SH3PXD2B: variants seen among roughly 807,000 people sequenced by gnomAD.
SH3PXD2B encodes SH3 and PX domain-containing protein 2B.
SH3PXD2B carries 37 observed loss-of-function variants against 73.1 expected under a neutral mutation model. That is an observed-to-expected ratio of 0.51 (90% CI 0.39 to 0.67). The LOEUF is 0.67. Ranked by LOEUF, SH3PXD2B falls within the 30% of genes least tolerant of loss-of-function variation. The probability of loss-of-function intolerance (pLI) is 0.00; values close to 1 mark genes in which losing one functional copy is unlikely to be tolerated. For missense variants in SH3PXD2B, 1,053 were observed against 1,197.8 expected (o/e 0.88, Z 1.78); for synonymous variants, 457 against 480.5 (o/e 0.95, Z 0.64).
intron 3 of SH3PXD2B, among the ~76,000 whole-genome samples, chr5:172,397,532 G>A (rs1049871771): frequency 1.3e-5 from 2 of 152,138 alleles, no homozygotes; most frequent in East Asian, 1.9e-4. Context: ...AGAACCTGCC[G>A]ACATGTGATG....
intron 3 of SH3PXD2B, among the ~76,000 whole-genome samples, chr5:172,395,321 T>C (rs1758269607): frequency 6.6e-6 from 1 of 152,264 alleles, no homozygotes; most frequent in Admixed American, 6.5e-5. Context: ...AATGTATGAA[T>C]GTGGCTTCCA....
In SH3PXD2B at chr5:172,347,148, GCC is replaced by G; in HGVS notation, c.1062+133_1062+134del. On this transcript the variant is annotated intron_variant, in intron 11 of 12. Coordinates refer to ENST00000311601, the MANE Select transcript of SH3PXD2B (RefSeq NM_001017995.3). The stretch of plus-strand genomic sequence containing the variant: ...TGCGAGTGGGACTAGCATTTCTACA[GCC>G]TGCTTCACAAGGCTGTTGTGTGGAC... 7.9e-6 allele frequency: 7 copies of G among 887,404 alleles called. No individual in the cohort carries two copies. In the South Asian group the frequency reaches 1.1e-4, roughly 13 times the overall value. 55.0% of individuals were successfully genotyped at this position (887,404 alleles called of 1,614,324 possible).
chr5:172,347,199 G>A, intron 11 of SH3PXD2B, 84 bp downstream of exon 11: 1 of 1,350,974 alleles, frequency 7.4e-7, no homozygotes, highest in South Asian at 1.2e-5. Context: ...TTTCTGGAAG[G>A]GCGAGGGGTG....
At chr5:172,404,395 C>T (rs4075865) in intron 3 of SH3PXD2B, among the ~76,000 whole-genome samples, 55,269 of 151,898 alleles carry the variant, frequency 0.36, 10,789 homozygotes, top group East Asian at 0.66. Flanking sequence ...CTCCACTGCC[C>T]GGGTTCAAGC....
At chr5:172,437,800 C>T (rs1026072359) in intron 1 of SH3PXD2B, among the ~76,000 whole-genome samples, 1 of 152,196 alleles carries the variant, frequency 6.6e-6, no homozygotes, top group Non-Finnish European at 1.5e-5. Flanking sequence ...CCACAGGGCA[C>T]GCAGCGAAGG....
intron 6 of SH3PXD2B, among the ~76,000 whole-genome samples, chr5:172,365,690 C>T (rs527461455): frequency 1.4e-4 from 21 of 152,232 alleles, no homozygotes; most frequent in Non-Finnish European, 1.5e-5. Flanking sequence ...GGCTGCTTCA[C>T]GTCCCCTTCC....
downstream of SH3PXD2B, among the ~76,000 whole-genome samples, chr5:172,332,416 GCTA>G (rs1236280086): frequency 1.7e-5 from 2 of 114,334 alleles, no homozygotes; most frequent in South Asian, 4.2e-4. Flanking sequence ...ACCACACCTG[GCTA>G]CTTTTTTTTT....
rs575872770 is a variant in SH3PXD2B at position 172,349,256 on chromosome 5, G to A, written c.1012+1107C>T. ...GTTCACTGCCACTTAAAAACAGCTG[G>A]AGAAGCCCCGCCAGGGGCAGTGGCC... On this transcript the variant is annotated intron_variant, in intron 10 of 12. Coordinates refer to ENST00000311601, the MANE Select transcript of SH3PXD2B (RefSeq NM_001017995.3). Among the ~76,000 whole-genome samples the A allele has an allele frequency of 9.8e-5, 15 of 152,338 alleles. No homozygotes were observed. In the East Asian group the frequency reaches 2.9e-3, roughly 29 times the overall value.
intron 5 of SH3PXD2B, among the ~76,000 whole-genome samples, chr5:172,379,536 A>G (rs1483601690): frequency 6.6e-6 from 1 of 152,208 alleles, no homozygotes; most frequent in African/African-American, 2.4e-5. Context: ...GGAACAGACT[A>G]AGACAGTAGT....
At position 172,333,592 on chromosome 5, in the gene SH3PXD2B, G is replaced by A; in HGVS notation, c.*4777C>T. 23 of 1,268,998 alleles carry A rather than the reference G, an allele frequency of 1.8e-5. No individual in the cohort carries two copies. Among genetic ancestry groups the A allele is most frequent in the Non-Finnish European group, 2.1e-5 (21 of 982,260 alleles). 78.6% of individuals were successfully genotyped at this position (1,268,998 alleles called of 1,614,324 possible). A position where few individuals can be genotyped will look rare whatever the true frequency, so the allele number is the denominator to read the frequency against. The stretch of plus-strand genomic sequence containing the variant: ...ATGGTAAAGTATATAGCCTACACAT[G>A]CTACAGCTAGTTGTTCTCACCCCTC... On this transcript the variant is annotated 3_prime_UTR_variant, in exon 13 of 13. Coordinates refer to ENST00000311601, the MANE Select transcript of SH3PXD2B (RefSeq NM_001017995.3).
chr5:172,353,796 C>T lies in SH3PXD2B; in HGVS notation c.785+92G>A, dbSNP rs949239932. On this transcript the variant is annotated intron_variant, in intron 9 of 12. Transcript: ENST00000311601. This position sits in a 1 kb window ranked among gnomAD's most constrained non-coding sequence, Gnocchi z 4.3. The stretch of plus-strand genomic sequence containing the variant: ...ACTTCGCCCAGATGCAATCACTTAC[C>T]GACCTCTGTGAGGCCAGAGTCCCTG... 19 of 971,644 alleles carry T rather than the reference C, an allele frequency of 2.0e-5. No individual in the cohort carries two copies. Among genetic ancestry groups the T allele is most frequent in the East Asian group, 1.7e-4 (7 of 41,948 alleles). 60.2% of individuals were successfully genotyped at this position (971,644 alleles called of 1,614,324 possible).
At chr5:172,444,224 G>A (rs534706648) in intron 1 of SH3PXD2B, among the ~76,000 whole-genome samples, 1 of 152,266 alleles carries the variant, frequency 6.6e-6, no homozygotes, top group African/African-American at 2.4e-5. Context: ...GTGGCTAAAA[G>A]GTCTGAAAAT....
rs780971723 is a variant in SH3PXD2B, at chr5:172,362,747, T to C, written c.550A>G (p.Lys184Glu). The change falls in exon 7 of 13, where the codon AAG (lysine) becomes GAG (glutamate). Residue 184 changes from lysine (K) to glutamate (E), a missense_variant. Physicochemically the swap from Lys to Glu is moderately conservative, Grantham distance 56 (BLOSUM62 1). Around this residue, in one of 2 missense-constraint regions of SH3PXD2B, gnomAD observed 466 missense variants for 607.1 expected, o/e 0.77. Coordinates refer to ENST00000311601, the MANE Select transcript of SH3PXD2B (RefSeq NM_001017995.3). ...SVGQVVDIIE[K>E]NESGWWFVST... ...TCTAGGTCCCCACCTGACTCATTCT[T>C]CTCGATGATGTCCACCACCTGCCCC... 4 of 1,614,060 alleles carry C rather than the reference T, an allele frequency of 2.5e-6. No homozygotes were observed. Among genetic ancestry groups the C allele is most frequent in the Non-Finnish European group, 3.4e-6 (4 of 1,180,018 alleles).
chr5:172,423,932 C>A (rs552639036), intron 1 of SH3PXD2B, among the ~76,000 whole-genome samples: 1 of 152,124 alleles, frequency 6.6e-6, no homozygotes, highest in East Asian at 1.9e-4. Flanking sequence ...CTTGAGCCAC[C>A]GCGCCCGGCC....
intron 1 of SH3PXD2B, among the ~76,000 whole-genome samples, chr5:172,451,187 C>T (rs1759788522): frequency 6.6e-6 from 1 of 152,218 alleles, no homozygotes; most frequent in African/African-American, 2.4e-5. Flanking sequence ...ACTCCGGGTG[C>T]AGTTCTCCAA....
chr5:172,375,995 T>G (rs1157925715), intron 5 of SH3PXD2B, among the ~76,000 whole-genome samples: 1 of 152,006 alleles, frequency 6.6e-6, no homozygotes. Flanking sequence ...GGTTCCAACC[T>G]CTTCATATCC....
chr5:172,449,607 G>A (rs1349069761), intron 1 of SH3PXD2B, among the ~76,000 whole-genome samples: 6 of 152,204 alleles, frequency 3.9e-5, no homozygotes, highest in Non-Finnish European at 2.9e-5. Context: ...TCACGGAAGA[G>A]GAAACTCAGA....
intron 1 of SH3PXD2B, among the ~76,000 whole-genome samples, chr5:172,423,050 T>C (rs906427282): frequency 3.9e-5 from 6 of 151,988 alleles, no homozygotes; most frequent in African/African-American, 1.2e-4. Flanking sequence ...CCAGGATAGA[T>C]GTGAGGTGCT....
At chr5:172,449,385 T>C (rs536339092) in intron 1 of SH3PXD2B, among the ~76,000 whole-genome samples, 1 of 152,332 alleles carries the variant, frequency 6.6e-6, no homozygotes, top group South Asian at 2.1e-4. Flanking sequence ...CAAGGGCATG[T>C]AGCCCAATTC....
Sources: allele counts gnomAD v4.1 joint callset (sites outside exome capture counted in the v4.1 genomes callset), GRCh38; gene constraint gnomAD v4.1.1; regional missense constraint gnomAD v4.1.1; non-coding constraint Gnocchi (gnomAD v3.1); transcripts MANE v1.5; gene names NCBI Gene and HGNC (gene_info 2026-07-23, HGNC 2026-07-21).